Variants in SCRG1 observed in about 807,000 individuals in gnomAD.
SCRG1 encodes stimulator of chondrogenesis 1.
A neutral mutation model predicts 7.7 loss-of-function variants in SCRG1; 3 were observed. That is an observed-to-expected ratio of 0.39 (90% CI 0.18 to 1.01). The LOEUF is 1.01. Among genes scored for constraint, SCRG1 ranks in the 50% least tolerant of loss-of-function variants. SCRG1 has a pLI of 0.36. For missense variants in SCRG1, 110 were observed against 117.2 expected, an observed-to-expected ratio of 0.94 and a Z score of 0.28; for synonymous variants, 46 against 41.2, an observed-to-expected ratio of 1.12 and a Z score of -0.44.
At chr4:173,419,459 G>A in the SCRG1 span, 1 of 926,046 alleles carries the variant, frequency 1.1e-6, no homozygotes, top group Non-Finnish European at 1.7e-6. Context: ...GCTGTTCTTT[G>A]TGTATTGAGA....
chr4:173,463,607 T>C, the SCRG1 span, among the ~76,000 whole-genome samples: 2 of 152,216 alleles, frequency 1.3e-5, no homozygotes, highest in African/African-American at 4.8e-5. Flanking sequence ...GGAAGGAACC[T>C]GAACTGAGAA....
chr4:173,456,846 T>C, the SCRG1 span, among the ~76,000 whole-genome samples: 1 of 152,214 alleles, frequency 6.6e-6, no homozygotes, highest in East Asian at 1.9e-4. Flanking sequence ...AGAAGATAAC[T>C]TCCCTTCTTT....
At chr4:173,413,102 TAAGTTGCATTTCCAAAAAAAAAA>T in the SCRG1 span, among the ~76,000 whole-genome samples, 1 of 151,034 alleles carries the variant, frequency 6.6e-6, no homozygotes, top group Non-Finnish European at 1.5e-5. Flanking sequence ...GTTGATCTCA[TAAGTTGCATTTCCAAAAAAAAAA>T]AAGAAAGAAA....
the SCRG1 span, chr4:173,419,356 A>T: frequency 9.5e-7 from 1 of 1,057,496 alleles, no homozygotes; most frequent in South Asian, 1.4e-5. Context: ...TCTTCTTTTT[A>T]ATTTCTTTCT....
At chr4:173,484,530 T>TTATATATTATATACATATAATATATAA in the SCRG1 span, among the ~76,000 whole-genome samples, 8 of 81,492 alleles carry the variant, frequency 9.8e-5, no homozygotes, top group Non-Finnish European at 1.5e-4. Context: ...ATAATATATA[T>TTATATATTATATACATATAATATATAA]TATATATTAT....
chr4:173,436,707 G>A, the SCRG1 span, among the ~76,000 whole-genome samples: 1 of 152,156 alleles, frequency 6.6e-6, no homozygotes, highest in African/African-American at 2.4e-5. Context: ...GTCAGCATCT[G>A]TACACAAATC....
chr4:173,430,541 CA>C, the SCRG1 span, among the ~76,000 whole-genome samples: 384 of 152,174 alleles, frequency 2.5e-3, no homozygotes, highest in African/African-American at 6.3e-3. Context: ...GTAATCCCAG[CA>C]CTTTAGGAGG....
the SCRG1 span, among the ~76,000 whole-genome samples, chr4:173,422,280 GT>G: frequency 6.6e-6 from 1 of 152,138 alleles, no homozygotes; most frequent in South Asian, 2.1e-4. Flanking sequence ...ATTTTAAGTG[GT>G]TATTAATTTT....
At chr4:173,473,353 T>TATC in the SCRG1 span, among the ~76,000 whole-genome samples, 1 of 129,050 alleles carries the variant, frequency 7.7e-6, no homozygotes, top group South Asian at 2.8e-4. Flanking sequence ...TCCTCTTTTC[T>TATC]ATCTCTTTTC....
chr4:173,494,867 G>T, the SCRG1 span, among the ~76,000 whole-genome samples: 2 of 152,222 alleles, frequency 1.3e-5, no homozygotes, highest in Non-Finnish European at 2.9e-5. Context: ...AACAAGCACC[G>T]ATCAATTTAC....
the SCRG1 span, among the ~76,000 whole-genome samples, chr4:173,512,114 C>T: frequency 6.6e-6 from 1 of 152,212 alleles, no homozygotes. Flanking sequence ...TTATGTGGGC[C>T]TTTGGCTTCC....
chr4:173,398,026 C>T (rs1244070630), intron 1 of SCRG1, among the ~76,000 whole-genome samples: 1 of 152,182 alleles, frequency 6.6e-6, no homozygotes, highest in Non-Finnish European at 1.5e-5. Context: ...CCACTCATCT[C>T]TCTTGGAGGA....
the SCRG1 span, among the ~76,000 whole-genome samples, chr4:173,483,515 T>TATATTATATATTATATTCTGATATATA: frequency 9.8e-4 from 12 of 12,202 alleles, 1 homozygote; most frequent in Non-Finnish European, 1.4e-3. Flanking sequence ...TGATATATAA[T>TATATTATATATTATATTCTGATATATA]ATATATTATA....
At chr4:173,451,397 G>A in the SCRG1 span, among the ~76,000 whole-genome samples, 2 of 151,820 alleles carry the variant, frequency 1.3e-5, no homozygotes, top group African/African-American at 4.8e-5. Flanking sequence ...CCGCAAGTTA[G>A]CTCCATTCAG....
At position 173,391,348 on chromosome 4, in the gene SCRG1, C is replaced by T. The variant is rs746722779; in HGVS notation, c.67G>A (p.Ala23Thr). Residue 23 changes from alanine to threonine, a missense_variant, in exon 2 of 3, where the codon GCA (alanine) becomes ACA (threonine). Physicochemically the swap from Ala to Thr is moderately conservative, Grantham distance 58 (BLOSUM62 0). Transcript: ENST00000296506. Reference protein sequence around the residue: ...TLLLGVQAMPANRLSCYRKIL... With the variant: ...TLLLGVQAMPTNRLSCYRKIL... ...TTTCTGTAGCAAGAGAGGCGATTTGCAGGCATGGCTTGAACTCCTAGCAGC... is the reference window on the plus strand; with the variant it reads ...TTTCTGTAGCAAGAGAGGCGATTTGTAGGCATGGCTTGAACTCCTAGCAGC... 72 of 1,614,066 alleles carry T rather than the reference C, an allele frequency of 4.5e-5. No homozygotes were observed. The highest frequency in any genetic ancestry group is 5.9e-5 in the Non-Finnish European group (70 of 1,180,024).
the SCRG1 span, among the ~76,000 whole-genome samples, chr4:173,467,521 AG>A: frequency 6.6e-6 from 1 of 152,220 alleles, no homozygotes; most frequent in African/African-American, 2.4e-5. Context: ...TAGTCACCTG[AG>A]GCCAGATTTT....
At chr4:173,503,793 C>A in the SCRG1 span, among the ~76,000 whole-genome samples, 1 of 152,140 alleles carries the variant, frequency 6.6e-6, no homozygotes, top group Admixed American at 6.5e-5. The surrounding 1 kb of genome is among the most constrained non-coding windows in gnomAD (Gnocchi z 6.4). Flanking sequence ...TACATCTTCG[C>A]GATGTCCCTA....
At chr4:173,488,821 T>TTGAAAC in the SCRG1 span, among the ~76,000 whole-genome samples, 1 of 152,206 alleles carries the variant, frequency 6.6e-6, no homozygotes, top group Non-Finnish European at 1.5e-5. Context: ...TGAGTGTGTT[T>TTGAAAC]TGAAACTGTG....
the SCRG1 span, among the ~76,000 whole-genome samples, chr4:173,499,281 C>A: frequency 6.6e-6 from 1 of 152,160 alleles, no homozygotes; most frequent in African/African-American, 2.4e-5. The surrounding 1 kb of genome is among the most constrained non-coding windows in gnomAD (Gnocchi z 4.1). Context: ...AGGACACCTC[C>A]CCAGCTCCAT....
Sources: allele counts gnomAD v4.1 joint callset (sites outside exome capture counted in the v4.1 genomes callset), GRCh38; gene constraint gnomAD v4.1.1; non-coding constraint Gnocchi (gnomAD v3.1); transcripts MANE v1.5; gene names NCBI Gene and HGNC (gene_info 2026-07-23, HGNC 2026-07-21).